Variants in RALYL observed in about 807,000 individuals in gnomAD.
The protein encoded by RALYL is RNA-binding Raly-like protein.
A neutral mutation model predicts 35.1 loss-of-function variants in RALYL; 29 were observed. The observed-to-expected ratio is 0.83, with a 90% CI of 0.61 to 1.13. RALYL has a LOEUF of 1.13. Ranked by LOEUF, RALYL falls within the 50% of genes most tolerant of loss-of-function variation. The pLI, the probability that RALYL is intolerant of heterozygous loss-of-function variation, is 0.00. For synonymous variants in RALYL, 120 were observed against 127.6 expected, an observed-to-expected ratio of 0.94 and a Z score of 0.40; for missense variants, 359 against 360.4, an observed-to-expected ratio of 1.00 and a Z score of 0.03.
chr8:84,524,521 G>A (rs1046283005), intron 1 of RALYL, among the ~76,000 whole-genome samples: 3 of 152,154 alleles, frequency 2.0e-5, no homozygotes, highest in African/African-American at 4.8e-5. Context: ...TACAATGTAA[G>A]TGTCTTAGTG....
At chr8:84,237,133 T>A (rs11991178) in intron 1 of RALYL, among the ~76,000 whole-genome samples, 70,766 of 152,000 alleles carry the variant, frequency 0.47, 16,894 homozygotes, top group Non-Finnish European at 0.52. Context: ...AGATACTTCT[T>A]AATGGGAAAT....
chr8:84,684,586 T>C (rs1836352542), intron 2 of RALYL, among the ~76,000 whole-genome samples: 1 of 152,194 alleles, frequency 6.6e-6, no homozygotes, highest in Admixed American at 6.6e-5. Flanking sequence ...GAAAACACTA[T>C]CTGTGTTCAA....
At chr8:84,912,589 G>A (rs1266599367) in intron 8 of RALYL, among the ~76,000 whole-genome samples, 15 of 151,996 alleles carry the variant, frequency 9.9e-5, no homozygotes, top group Non-Finnish European at 2.1e-4. Context: ...CCAAAACAGT[G>A]CAAAAGATGC....
At chr8:84,684,320 G>C (rs773333489) in intron 2 of RALYL, among the ~76,000 whole-genome samples, 2 of 152,116 alleles carry the variant, frequency 1.3e-5, no homozygotes, top group Non-Finnish European at 2.9e-5. Flanking sequence ...AATATTTATT[G>C]AGTACCCACT....
In RALYL at chr8:84,875,691, C is replaced by T. The variant is rs548342847; in HGVS notation, c.685+2294C>T. Among the ~76,000 whole-genome samples, 409 of 151,780 alleles carry T rather than the reference C, an allele frequency of 2.7e-3. 4 individuals are homozygous for T. The highest frequency in any genetic ancestry group is 6.5e-3 in the African/African-American group (268 of 41,408). ...TATATATTTTACTATATTTTCTTCACGAAAAAAATCAGGTTTGCTTGGAAA... is the reference window on the plus strand; with the variant it reads ...TATATATTTTACTATATTTTCTTCATGAAAAAAATCAGGTTTGCTTGGAAA... On this transcript the variant is annotated intron_variant, in intron 7 of 8. Transcript: ENST00000521268.
intron 1 of RALYL, among the ~76,000 whole-genome samples, chr8:84,267,743 G>A (rs895041214): frequency 1.3e-5 from 2 of 152,132 alleles, no homozygotes; most frequent in Admixed American, 1.3e-4. Flanking sequence ...ACGTCTCTGC[G>A]CTGGATCCAA....
intron 1 of RALYL, among the ~76,000 whole-genome samples, chr8:84,292,902 C>T (rs955736906): frequency 6.6e-6 from 1 of 152,118 alleles, no homozygotes; most frequent in African/African-American, 2.4e-5. Context: ...GCACTGCGTA[C>T]TTGCCCTGAA....
chr8:84,193,017 T>G (rs1563508489), intron 1 of RALYL, among the ~76,000 whole-genome samples: 1 of 152,080 alleles, frequency 6.6e-6, no homozygotes, highest in Admixed American at 6.5e-5. Flanking sequence ...GTATTCCATC[T>G]ATTTGAATTT....
chr8:84,475,797 G>A (rs1232421021), intron 1 of RALYL, among the ~76,000 whole-genome samples: 1 of 152,164 alleles, frequency 6.6e-6, no homozygotes, highest in Non-Finnish European at 1.5e-5. Context: ...TTACTTTGGA[G>A]TGGATCAAAT....
chr8:84,306,418 T>A (rs1245518201), intron 1 of RALYL, among the ~76,000 whole-genome samples: 1 of 152,178 alleles, frequency 6.6e-6, no homozygotes, highest in Non-Finnish European at 1.5e-5. Context: ...TTTTAAACCA[T>A]CTTTTGATAA....
At chr8:84,628,000 G>A (rs183937922) in intron 2 of RALYL, among the ~76,000 whole-genome samples, 13 of 152,018 alleles carry the variant, frequency 8.6e-5, no homozygotes, top group Admixed American at 5.9e-4. Flanking sequence ...CTCTTTTGCC[G>A]TCTTTCAATC....
chr8:84,813,430 C>T (rs1826375631), intron 4 of RALYL, among the ~76,000 whole-genome samples: 1 of 152,210 alleles, frequency 6.6e-6, no homozygotes, highest in South Asian at 2.1e-4. Flanking sequence ...CTAGTCCTGC[C>T]TCCCATTCCT....
intron 2 of RALYL, among the ~76,000 whole-genome samples, chr8:84,721,183 C>A (rs1843835181): frequency 6.7e-6 from 1 of 150,208 alleles, no homozygotes; most frequent in Admixed American, 6.7e-5. Context: ...GCCTGGGCCA[C>A]ATAGTGAGAC....
intron 1 of RALYL, among the ~76,000 whole-genome samples, chr8:84,501,987 A>G (rs1005141224): frequency 8.6e-5 from 13 of 151,784 alleles, no homozygotes; most frequent in African/African-American, 3.1e-4. Flanking sequence ...CAGAAGACAA[A>G]ATTGATTATT....
chr8:84,307,399 G>C (rs1312167209), intron 1 of RALYL, among the ~76,000 whole-genome samples: 10 of 152,052 alleles, frequency 6.6e-5, no homozygotes, highest in Non-Finnish European at 5.9e-5. Flanking sequence ...GGTTAGCCCA[G>C]ATGAAACAGA....
intron 1 of RALYL, among the ~76,000 whole-genome samples, chr8:84,222,102 C>T (rs1267561962): frequency 6.6e-6 from 1 of 151,828 alleles, no homozygotes; most frequent in Non-Finnish European, 1.5e-5. Context: ...AATATCGGCT[C>T]CTTCATGAGC....
intron 1 of RALYL, among the ~76,000 whole-genome samples, chr8:84,371,552 C>T (rs1855705199): frequency 6.6e-6 from 1 of 151,040 alleles, no homozygotes; most frequent in East Asian, 1.9e-4. Context: ...CACACACACA[C>T]ACACACACAC....
intron 6 of RALYL, chr8:84,865,021 T>A (rs1838893553): frequency 5.5e-6 from 1 of 183,030 alleles, no homozygotes; most frequent in Non-Finnish European, 1.1e-5. Flanking sequence ...AGTGAAACAT[T>A]AATAAAAATT....
At chr8:84,207,703 G>A (rs1818374248) in intron 1 of RALYL, among the ~76,000 whole-genome samples, 3 of 151,894 alleles carry the variant, frequency 2.0e-5, no homozygotes, top group Non-Finnish European at 2.9e-5. Flanking sequence ...TGCTAAGACA[G>A]CAGGTCTTAA....
Sources: gnomAD v4.1 joint callset for allele counts (sites outside exome capture counted in the v4.1 genomes callset) on GRCh38, gnomAD v4.1.1 for gene constraint, MANE v1.5 for transcripts, NCBI Gene and HGNC (gene_info 2026-07-23, HGNC 2026-07-21) for gene names.